Variants in TACC3 observed in about 807,000 individuals in gnomAD.
The protein encoded by TACC3 is transforming acidic coiled-coil-containing protein 3.
In TACC3, 52 loss-of-function variants were observed where a neutral mutation model predicts 86.0. The ratio of observed to expected loss-of-function variants is 0.60; its 90% CI spans 0.48 to 0.76. The LOEUF is 0.76. Ranked by LOEUF, TACC3 falls within the 30% of genes least tolerant of loss-of-function variation. The pLI is 0.00. For synonymous variants in TACC3, 512 were observed against 430.0 expected, an observed-to-expected ratio of 1.19 and a Z score of -2.36; for missense variants, 1,120 against 1,070.4, an observed-to-expected ratio of 1.05 and a Z score of -0.65.
intron 10 of TACC3, chr4:1,738,321 C>T (rs1371525521): frequency 1.8e-5 from 4 of 227,970 alleles, no homozygotes; most frequent in Non-Finnish European, 3.6e-5. Context: ...GTTCAAGCCC[C>T]AACATCCACA....
At chr4:1,743,969 C>T (rs908681344) in intron 13 of TACC3, among the ~76,000 whole-genome samples, 2 of 152,046 alleles carry the variant, frequency 1.3e-5, no homozygotes, top group African/African-American at 4.8e-5. Flanking sequence ...CCGCTGGGGG[C>T]ACTGCAGGAA....
Position 1,737,679 on chromosome 4 carries a change from A to G in TACC3, c.1918A>G (p.Ser640Gly). 1 of 1,551,026 alleles carries G rather than the reference A, an allele frequency of 6.4e-7. No homozygotes were observed. Among genetic ancestry groups the G allele is most frequent in the Non-Finnish European group, 8.7e-7 (1 of 1,146,906 alleles). ...ACCTATAGTGGACCTGCTCCAGTAC[A>G]GCCAGAAGGACCTGGATGCAGTGGT... ...TGPIVDLLQYSQKDLDAVVKA... is the reference protein window; with the variant it reads ...TGPIVDLLQYGQKDLDAVVKA... The change falls in exon 10 of 16, where the codon AGC becomes GGC. Residue 640 changes from serine to glycine, a missense_variant. Ser to Gly is a moderately conservative substitution (Grantham distance 56). Coordinates refer to ENST00000313288, the MANE Select transcript of TACC3 (RefSeq NM_006342.3).
intron 4 of TACC3, among the ~76,000 whole-genome samples, chr4:1,730,158 C>T (rs1398203865): frequency 6.6e-6 from 1 of 152,224 alleles, no homozygotes; most frequent in African/African-American, 2.4e-5. Flanking sequence ...CCTGCCTCAG[C>T]CTCCCGAGTA....
intron 8 of TACC3, 108 bp from the exon 9 acceptor site, chr4:1,737,133 T>C: frequency 3.3e-6 from 3 of 907,842 alleles, no homozygotes; most frequent in Non-Finnish European, 5.3e-6. Context: ...ACTTGAGTGG[T>C]TTTAAACTAA....
intron 8 of TACC3, among the ~76,000 whole-genome samples, chr4:1,736,385 T>C (rs952121444): frequency 8.3e-6 from 1 of 120,100 alleles, no homozygotes; most frequent in Admixed American, 1.2e-4. Context: ...ATTGCGCCAC[T>C]GCACTCCAGC....
At chr4:1,741,173 A>G (rs933303413) in intron 13 of TACC3, 187 bp downstream of exon 13, 1 of 519,424 alleles carries the variant, frequency 1.9e-6, no homozygotes, top group Non-Finnish European at 3.3e-6. Flanking sequence ...TTTGCGAGGC[A>G]GCTGAGGGCG....
At position 1,727,874 on chromosome 4, in the gene TACC3, TC is replaced by T; in HGVS notation, c.475del (p.Gln159ArgfsTer33). 6.2e-7 allele frequency: 1 copy of T among 1,613,752 alleles called. No individual in the cohort carries two copies. The highest frequency in any genetic ancestry group is 8.5e-7 in the Non-Finnish European group (1 of 1,180,036). On this transcript the variant is annotated frameshift_variant, in exon 4 of 16. Transcript: ENST00000313288. LOFTEE classifies it high-confidence loss of function. ...GGCTGACCTGGACTGCTCAAGCTCT[TC>T]CCAGAGCCCAGGAAGTTCTGAGAAC... ...ALADLDCSSS[S>X]QSPGSSENQM...
intron 4 of TACC3, chr4:1,730,499 C>T (rs1717948956): frequency 5.2e-6 from 2 of 384,230 alleles, no homozygotes; most frequent in Non-Finnish European, 1.0e-5. Flanking sequence ...ACAGCTTGTG[C>T]CCTTGGTGTC....
intron 13 of TACC3, among the ~76,000 whole-genome samples, chr4:1,743,875 G>A (rs1454873513): frequency 6.6e-6 from 1 of 152,230 alleles, no homozygotes; most frequent in Non-Finnish European, 1.5e-5. Context: ...TGCTGGGTAG[G>A]GGCTCAGGGA....
At position 1,728,755 on chromosome 4, in the gene TACC3, T is replaced by G; in HGVS notation, c.1353T>G (p.Pro451=). 6.2e-7 allele frequency: 1 copy of G among 1,610,820 alleles called. No homozygotes were observed. Among genetic ancestry groups the G allele is most frequent in the Non-Finnish European group, 8.5e-7 (1 of 1,179,124 alleles). ...CGGCTGAACAGTTGCATGCTGGGCC[T>G]GCCACGGAGGAGCCAGGTCCCTGTC... is the stretch of plus-strand genomic sequence containing the variant. The part of the protein sequence containing the change: ...QPAAEQLHAG[P]ATEEPGPCLS... Residue 451 remains proline (P), a synonymous_variant, in exon 4 of 16, where the codon CCT becomes CCG. Coordinates refer to ENST00000313288, the MANE Select transcript of TACC3 (RefSeq NM_006342.3).
At chr4:1,734,901 C>T (rs894827507) in intron 6 of TACC3, among the ~76,000 whole-genome samples, 3 of 152,236 alleles carry the variant, frequency 2.0e-5, no homozygotes, top group Non-Finnish European at 4.4e-5. Context: ...TCGCCTCAGC[C>T]TCCACCCTTA....
At chr4:1,725,821 G>A (rs1335880257) in intron 3 of TACC3, among the ~76,000 whole-genome samples, 4 of 152,266 alleles carry the variant, frequency 2.6e-5, no homozygotes, top group South Asian at 2.1e-4. Context: ...AAGAGCAGCC[G>A]CTGCGTGCAG....
At chr4:1,739,486 C>T (rs1718456917) in intron 10 of TACC3, 1 of 584,590 alleles carries the variant, frequency 1.7e-6, no homozygotes. Context: ...AGCCAGCAGC[C>T]TCATGCCTCC....
intron 13 of TACC3, among the ~76,000 whole-genome samples, chr4:1,742,558 C>T (rs1013975895): frequency 2.0e-5 from 3 of 152,188 alleles, no homozygotes; most frequent in African/African-American, 7.2e-5. Context: ...GAATCCCCTT[C>T]GGGAGACCGA....
In TACC3 at chr4:1,735,675, C is replaced by CA; in HGVS notation, c.1645-56_1645-55insA. The CA allele has an allele frequency of 7.4e-7, 1 of 1,356,696 alleles. No individual in the cohort carries two copies. The highest frequency in any genetic ancestry group is 1.2e-5 in the South Asian group (1 of 84,156). 84.0% of individuals were successfully genotyped at this position (1,356,696 alleles called of 1,614,324 possible). ...CAGGTGACCTCCCTGGCCCTTAGCC[C>CA]CCGTGTGTGTTAGGGGATGGCAGTC... On this transcript the variant is annotated intron_variant, in intron 7 of 15. Transcript: ENST00000313288. The surrounding 1 kb of genome is among the most constrained non-coding windows in gnomAD (Gnocchi z 4.2).
chr4:1,730,303 C>G (rs755953322), intron 4 of TACC3: 1 of 197,396 alleles, frequency 5.1e-6, no homozygotes, highest in Non-Finnish European at 1.1e-5. Context: ...TCCCAAAGTG[C>G]TGGGATTACA....
intron 3 of TACC3, among the ~76,000 whole-genome samples, chr4:1,725,867 C>T (rs1490827035): frequency 3.3e-5 from 5 of 152,248 alleles, no homozygotes; most frequent in Non-Finnish European, 7.3e-5. Context: ...GCCGAGTGGC[C>T]GCCTGGGAAG....
intron 4 of TACC3, among the ~76,000 whole-genome samples, chr4:1,729,726 T>C (rs1717904476): frequency 2.0e-5 from 3 of 152,230 alleles, no homozygotes; most frequent in Admixed American, 2.0e-4. Context: ...CACAGGCCTC[T>C]GGATGGCTGC....
chr4:1,741,090 A>G, intron 13 of TACC3, 104 bp downstream of exon 13: 1 of 1,197,108 alleles, frequency 8.4e-7, no homozygotes, highest in Non-Finnish European at 1.2e-6. Context: ...GTCCTTGGCC[A>G]AGCCTCCCCT....
Sources: gnomAD v4.1 joint callset for allele counts (sites outside exome capture counted in the v4.1 genomes callset) on GRCh38, gnomAD v4.1.1 for gene constraint, Gnocchi (gnomAD v3.1) non-coding constraint, MANE v1.5 for transcripts, NCBI Gene and HGNC (gene_info 2026-07-23, HGNC 2026-07-21) for gene names.